PTPRD: variants seen among roughly 807,000 people sequenced by gnomAD.
PTPRD encodes the protein receptor-type tyrosine-protein phosphatase delta.
In PTPRD, 34 loss-of-function variants were observed where a neutral mutation model predicts 214.5. The observed-to-expected ratio is 0.16, with a 90% CI of 0.12 to 0.21. PTPRD has a LOEUF of 0.21. Among genes scored for constraint, PTPRD ranks in the 10% least tolerant of loss-of-function variants. The pLI is 1.00. For missense variants in PTPRD, 2,545 were observed against 2,398.7 expected, an observed-to-expected ratio of 1.06 and a Z score of -1.27; for synonymous variants, 1,128 against 845.7, an observed-to-expected ratio of 1.33 and a Z score of -5.79.
At chr9:9,618,875 A>G (rs1223483698) in intron 7 of PTPRD, among the ~76,000 whole-genome samples, 2 of 152,116 alleles carry the variant, frequency 1.3e-5, no homozygotes, top group African/African-American at 4.8e-5. Context: ...AAGGCCCTGG[A>G]AAATACTGCC....
chr9:10,230,440 C>CTATCTATCTATGTATCTATG (rs1554901445), intron 3 of PTPRD, among the ~76,000 whole-genome samples: 1 of 132,654 alleles, frequency 7.5e-6, no homozygotes. Context: ...ATCTATGTAT[C>CTATCTATCTATGTATCTATG]TATCTATCTA....
intron 5 of PTPRD, among the ~76,000 whole-genome samples, chr9:9,829,010 T>C (rs1460677315): frequency 2.6e-5 from 4 of 152,030 alleles, no homozygotes; most frequent in Middle Eastern, 6.9e-3. Context: ...AATGAGTTGA[T>C]ACAAATTATT....
chr9:9,906,446 A>T (rs2077589559), intron 5 of PTPRD, among the ~76,000 whole-genome samples: 1 of 152,012 alleles, frequency 6.6e-6, no homozygotes, highest in African/African-American at 2.4e-5. Flanking sequence ...GTTAACCTGT[A>T]TTGGTGCCTA....
intron 8 of PTPRD, among the ~76,000 whole-genome samples, chr9:9,540,254 T>TAACA (rs780783410): frequency 1.6e-5 from 2 of 125,800 alleles, no homozygotes; most frequent in Admixed American, 7.5e-5. Context: ...GTCATTCATT[T>TAACA]AACACATTTT....
chr9:9,536,070 T>C (rs966270261), intron 8 of PTPRD, among the ~76,000 whole-genome samples: 1 of 152,096 alleles, frequency 6.6e-6, no homozygotes, highest in African/African-American at 2.4e-5. Context: ...TGGTTAGATA[T>C]AACAGTATCT....
intron 8 of PTPRD, among the ~76,000 whole-genome samples, chr9:9,501,914 C>T (rs1225428882): frequency 1.3e-5 from 2 of 151,778 alleles, no homozygotes; most frequent in African/African-American, 2.4e-5. Flanking sequence ...GGTGGGATGC[C>T]TCTGAAGCAA....
intron 9 of PTPRD, among the ~76,000 whole-genome samples, chr9:9,302,601 C>CTTTTTTTTTTTT (rs3047853): frequency 1.7e-3 from 195 of 111,844 alleles, no homozygotes; most frequent in Non-Finnish European, 2.2e-3. Context: ...TTTTTTTTTT[C>CTTTTTTTTTTTT]TTTTTTTTTT....
chr9:9,420,215 C>T (rs777883908), intron 8 of PTPRD, among the ~76,000 whole-genome samples: 1 of 151,708 alleles, frequency 6.6e-6, no homozygotes, highest in Non-Finnish European at 1.5e-5. Context: ...TTAATTGACA[C>T]AAACAAAATA....
chr9:8,376,868 C>A, intron 37 of PTPRD, 142 bp from the exon 38 acceptor site: 2 of 1,104,562 alleles, frequency 1.8e-6, no homozygotes, highest in South Asian at 1.6e-5. Flanking sequence ...TTTGTTATCC[C>A]AATATATGTA....
chr9:9,782,556 C>T (rs2098859777), intron 5 of PTPRD, among the ~76,000 whole-genome samples: 2 of 152,232 alleles, frequency 1.3e-5, no homozygotes, highest in African/African-American at 4.8e-5. Context: ...AATTAAGAAA[C>T]ATAAAACTGG....
chr9:8,654,863 C>A (rs960539652), intron 12 of PTPRD, among the ~76,000 whole-genome samples: 7 of 152,162 alleles, frequency 4.6e-5, no homozygotes, highest in Non-Finnish European at 1.0e-4. Flanking sequence ...CAGAACTGTA[C>A]TAGCTTCTCA....
At chr9:9,313,798 G>A (rs1960730939) in intron 9 of PTPRD, among the ~76,000 whole-genome samples, 1 of 152,128 alleles carries the variant, frequency 6.6e-6, no homozygotes, top group African/African-American at 2.4e-5. Context: ...CAATTGGAAT[G>A]GTGCTTATGG....
At chr9:9,526,370 T>C (rs1351951510) in intron 8 of PTPRD, among the ~76,000 whole-genome samples, 1 of 152,202 alleles carries the variant, frequency 6.6e-6, no homozygotes, top group Non-Finnish European at 1.5e-5. Flanking sequence ...AGGGTATGCC[T>C]ACCCACATGT....
chr9:8,724,013 T>G lies in PTPRD; in HGVS notation c.64+9767A>C, dbSNP rs180858845. ...TTGTACAGTGAATTTAAAACTTTTA[T>G]GAGAGAACAAAGCTAAATTGTAATG... On this transcript the variant is annotated intron_variant, in intron 12 of 45. Coordinates refer to ENST00000381196, the MANE Select transcript of PTPRD (RefSeq NM_002839.4). Among the ~76,000 whole-genome samples the G allele has an allele frequency of 2.7e-3, 416 of 152,280 alleles. 5 individuals carry two copies. Among genetic ancestry groups the G allele is most frequent in the Admixed American group, 3.9e-3 (60 of 15,304 alleles).
At chr9:9,962,798 T>C (rs2094450192) in intron 4 of PTPRD, among the ~76,000 whole-genome samples, 1 of 152,084 alleles carries the variant, frequency 6.6e-6, no homozygotes, top group South Asian at 2.1e-4. Context: ...ACTTAGAATC[T>C]TAGCAGAAAT....
intron 9 of PTPRD, among the ~76,000 whole-genome samples, chr9:9,192,586 G>C (rs956040577): frequency 5.9e-5 from 9 of 152,156 alleles, no homozygotes; most frequent in African/African-American, 2.2e-4. Flanking sequence ...CTCTGTCTCA[G>C]AGGGCTTTGA....
intron 2 of PTPRD, among the ~76,000 whole-genome samples, chr9:10,580,977 G>A (rs1227441365): frequency 6.6e-6 from 1 of 152,274 alleles, no homozygotes; most frequent in Admixed American, 6.5e-5. Context: ...CACAGTAAAA[G>A]GCAGCAAAGC....
At chr9:9,065,653 A>C (rs1408266127) in intron 10 of PTPRD, among the ~76,000 whole-genome samples, 1 of 152,164 alleles carries the variant, frequency 6.6e-6, no homozygotes, top group Non-Finnish European at 1.5e-5. Flanking sequence ...ACAAGCTATG[A>C]TGGAAGAAGG....
chr9:10,025,756 C>T (rs2096911485), intron 4 of PTPRD, among the ~76,000 whole-genome samples: 1 of 152,078 alleles, frequency 6.6e-6, no homozygotes, highest in Non-Finnish European at 1.5e-5. Flanking sequence ...GTGCCGCCTC[C>T]ACTGACTTTA....
Sources: gnomAD v4.1 joint callset for allele counts (sites outside exome capture counted in the v4.1 genomes callset) on GRCh38, gnomAD v4.1.1 for gene constraint, MANE v1.5 for transcripts, NCBI Gene and HGNC (gene_info 2026-07-23, HGNC 2026-07-21) for gene names.